SMKR1: variants seen among roughly 807,000 people sequenced by gnomAD.
The protein encoded by SMKR1 is small lysine-rich protein 1.
SMKR1 carries 4 observed loss-of-function variants against 4.0 expected under a neutral mutation model. The observed-to-expected ratio is 1.00, with a 90% CI of 0.49 to 2.30. The LOEUF is 2.30. Among genes scored for constraint, SMKR1 ranks in the 30% most tolerant of loss-of-function variants. The probability of loss-of-function intolerance (pLI) is 0.02; values close to 1 mark genes in which losing one functional copy is unlikely to be tolerated. For synonymous variants in SMKR1, 38 were observed against 32.5 expected (o/e 1.17, Z -0.58); for missense variants, 56 against 81.8 (o/e 0.68, Z 1.22).
chr7:129,511,526 G>A (rs1799526538), intron 1 of SMKR1, among the ~76,000 whole-genome samples: 1 of 152,162 alleles, frequency 6.6e-6, no homozygotes, highest in Admixed American at 6.5e-5. Flanking sequence ...TCCTTGACAT[G>A]ATCAGATTTC....
chr7:129,507,820 T>TG (rs1799485740), intron 1 of SMKR1, among the ~76,000 whole-genome samples: 1 of 152,232 alleles, frequency 6.6e-6, no homozygotes, highest in African/African-American at 2.4e-5. Flanking sequence ...ATATCTTTTT[T>TG]GGGGAAGGGT....
At position 129,511,352 on chromosome 7, in the gene SMKR1, G is replaced by GT. The variant is rs1307794796; in HGVS notation, c.4-889dup. Among the ~76,000 whole-genome samples, 6 of 152,280 alleles carry GT rather than the reference G, an allele frequency of 3.9e-5. No homozygotes were observed. The South Asian group carries it at 1.0e-3, about 26-fold the overall frequency. ...GGATTTTGCCACATTTGCTTTATCT[G>GT]TTTTTTCTGGGTCGGGGGCAGCGGG... On this transcript the variant is annotated intron_variant, in intron 1 of 1. Coordinates refer to ENST00000462322, the MANE Select transcript of SMKR1 (RefSeq NM_001195243.2).
Position 129,512,256 on chromosome 7 carries a change from G to C in SMKR1, c.13G>C (p.Gly5Arg). MPAKGKKGKGQGKSH... is the reference protein window; with the variant it reads MPAKRKKGKGQGKSH... ...TATTTGTCTTTGAAAGCCAGCTAAA[G>C]GGAAAAAAGGAAAAGGCCAGGGCAA... Residue 5 changes from glycine (G) to arginine (R), a missense_variant, in exon 2 of 2, where the codon GGG becomes CGG. Coordinates refer to ENST00000462322, the MANE Select transcript of SMKR1 (RefSeq NM_001195243.2). 6.6e-7 allele frequency: 1 copy of C among 1,508,868 alleles called. No individual in the cohort carries two copies. Among genetic ancestry groups the C allele is most frequent in the East Asian group, 2.5e-5 (1 of 40,652 alleles). 93.5% of individuals were successfully genotyped at this position (1,508,868 alleles called of 1,614,324 possible).
Position 129,502,744 on chromosome 7 carries a change from G to A in SMKR1, c.-81G>A. ...CGGGGGTGCTAGGGGAACGGGCGCT[G>A]GGGGCAGCGGCCCCGGTGGATGCTA... is the stretch of plus-strand genomic sequence containing the variant. On this transcript the variant is annotated 5_prime_UTR_variant, in exon 1 of 2. Coordinates refer to ENST00000462322, the MANE Select transcript of SMKR1 (RefSeq NM_001195243.2). 2 of 1,530,084 alleles carry A rather than the reference G, an allele frequency of 1.3e-6. No individual in the cohort carries two copies. Among genetic ancestry groups the A allele is most frequent in the Non-Finnish European group, 1.8e-6 (2 of 1,142,742 alleles). 94.8% of individuals were successfully genotyped at this position (1,530,084 alleles called of 1,614,324 possible).
At chr7:129,507,379 G>A (rs1247381418) in intron 1 of SMKR1, among the ~76,000 whole-genome samples, 2 of 151,726 alleles carry the variant, frequency 1.3e-5, no homozygotes, top group Admixed American at 6.6e-5. Flanking sequence ...TGAACTCCTG[G>A]GCTCAAGCGA....
chr7:129,511,965 T>G (rs1285541311), intron 1 of SMKR1, among the ~76,000 whole-genome samples: 2 of 152,096 alleles, frequency 1.3e-5, no homozygotes, highest in Non-Finnish European at 2.9e-5. Context: ...GGCAGATCAC[T>G]TGAGGTCAGG....
chr7:129,505,548 G>A (rs642755), intron 1 of SMKR1, among the ~76,000 whole-genome samples: 46,965 of 151,180 alleles, frequency 0.31, 7,512 homozygotes, highest in African/African-American at 0.4. Flanking sequence ...GCGCGATCTC[G>A]GTTCACTGCA....
At chr7:129,506,926 C>A (rs1188534393) in intron 1 of SMKR1, among the ~76,000 whole-genome samples, 2 of 142,956 alleles carry the variant, frequency 1.4e-5, no homozygotes, top group African/African-American at 5.2e-5. Flanking sequence ...GCAACTTGAT[C>A]GTGGCTCACC....
chr7:129,504,070 C>T (rs576423107), intron 1 of SMKR1, among the ~76,000 whole-genome samples: 1 of 152,210 alleles, frequency 6.6e-6, no homozygotes, highest in South Asian at 2.1e-4. Context: ...TCAAGGGATC[C>T]GCCCGCCTTG....
chr7:129,512,357 C>T lies in SMKR1; in HGVS notation c.114C>T (p.Ile38=), dbSNP rs552418787. The change falls in exon 2 of 2, where the codon ATC becomes ATT. Residue 38 remains isoleucine, a synonymous_variant. Transcript: ENST00000462322. ...SPAAMLNLYY[I]AHNVADCLHL... ...CGGCCATGCTGAACCTCTACTACAT[C>T]GCCCACAACGTCGCTGACTGCCTGC... is the stretch of plus-strand genomic sequence containing the variant. 156 of 1,536,104 alleles carry T rather than the reference C, an allele frequency of 1.0e-4. 4 individuals carry two copies. In the South Asian group the frequency reaches 1.7e-3, roughly 16 times the overall value.
chr7:129,502,937 C>T (rs903534791), intron 1 of SMKR1, 110 bp downstream of exon 1: 6 of 1,438,330 alleles, frequency 4.2e-6, no homozygotes, highest in Non-Finnish European at 5.6e-6. Context: ...TGGGGTCGAC[C>T]TCAACGCGTG....
At chr7:129,507,009 A>G (rs1258657838) in intron 1 of SMKR1, among the ~76,000 whole-genome samples, 3 of 147,968 alleles carry the variant, frequency 2.0e-5, no homozygotes, top group East Asian at 4.0e-4. Context: ...CCACCACCAC[A>G]TCTGACTAAT....
In SMKR1 at chr7:129,502,719, C is replaced by A. The variant is rs1055314992; in HGVS notation, c.-106C>A. 1.3e-6 allele frequency: 2 copies of A among 1,503,758 alleles called. No homozygotes were observed. The highest frequency in any genetic ancestry group is 2.8e-5 in the African/African-American group (2 of 70,784). 93.2% of individuals were successfully genotyped at this position (1,503,758 alleles called of 1,614,324 possible). On this transcript the variant is annotated 5_prime_UTR_variant, in exon 1 of 2. Coordinates refer to ENST00000462322, the MANE Select transcript of SMKR1 (RefSeq NM_001195243.2). ...TCCCTGAGGAGGGCCGAGAAGGGGCCGGGGGTGCTAGGGGAACGGGCGCTG... is the reference window on the plus strand; with the variant it reads ...TCCCTGAGGAGGGCCGAGAAGGGGCAGGGGGTGCTAGGGGAACGGGCGCTG...
intron 1 of SMKR1, among the ~76,000 whole-genome samples, chr7:129,506,085 AT>A (rs1417921162): frequency 6.6e-6 from 1 of 152,194 alleles, no homozygotes; most frequent in East Asian, 1.9e-4. Context: ...TATTATTCCC[AT>A]GTAATAATTT....
chr7:129,507,916 G>A (rs1221367022), intron 1 of SMKR1, among the ~76,000 whole-genome samples: 3 of 151,966 alleles, frequency 2.0e-5, no homozygotes, highest in African/African-American at 7.2e-5. Context: ...AGGCCTTTAT[G>A]AGATACATGA....
Position 129,512,486 on chromosome 7 carries a change from G to C in SMKR1, c.*45G>C, listed in dbSNP as rs1424071207. ...TCTGTTACAGACAACAGGACCTGGG[G>C]AAGAGAAGTCAGGATAACACAACTG... On this transcript the variant is annotated 3_prime_UTR_variant, in exon 2 of 2. Coordinates refer to ENST00000462322, the MANE Select transcript of SMKR1 (RefSeq NM_001195243.2). 1 of 1,491,704 alleles carries C rather than the reference G, an allele frequency of 6.7e-7. No homozygotes were observed. The highest frequency in any genetic ancestry group is 8.9e-7 in the Non-Finnish European group (1 of 1,126,414). The allele number at this position is 1,491,704 out of a possible 1,614,324, so 92.4% of individuals were successfully genotyped here.
intron 1 of SMKR1, among the ~76,000 whole-genome samples, chr7:129,506,013 C>T (rs1055497448): frequency 2.6e-5 from 4 of 152,038 alleles, no homozygotes; most frequent in Non-Finnish European, 5.9e-5. Context: ...CAGGAAAAGC[C>T]AAGAGCCACA....
chr7:129,512,323 T>C lies in SMKR1; in HGVS notation c.80T>C (p.Leu27Pro). The change falls in exon 2 of 2, where the codon CTC becomes CCC. Residue 27 changes from leucine to proline, a missense_variant. Transcript: ENST00000462322. ...KKQKKPEVDI[L>P]SPAAMLNLYY... The stretch of plus-strand genomic sequence containing the variant: ...CAGAAGAAACCAGAAGTGGACATTC[T>C]CAGCCCCGCGGCCATGCTGAACCTC... 6.5e-7 allele frequency: 1 copy of C among 1,535,964 alleles called. No homozygotes were observed. The highest frequency in any genetic ancestry group is 8.7e-7 in the Non-Finnish European group (1 of 1,146,830).
At chr7:129,505,972 G>A (rs1243259835) in intron 1 of SMKR1, among the ~76,000 whole-genome samples, 1 of 152,118 alleles carries the variant, frequency 6.6e-6, no homozygotes, top group Non-Finnish European at 1.5e-5. Context: ...AGTTTGGAGG[G>A]TTTTAAGTTG....
Sources: gnomAD v4.1 joint callset for allele counts (sites outside exome capture counted in the v4.1 genomes callset) on GRCh38, gnomAD v4.1.1 for gene constraint, MANE v1.5 for transcripts, NCBI Gene and HGNC (gene_info 2026-07-23, HGNC 2026-07-21) for gene names.